KIAA1671: variants seen among roughly 807,000 people sequenced by gnomAD.
KIAA1671 encodes uncharacterized protein KIAA1671.
In KIAA1671, 52 loss-of-function variants were observed where a neutral mutation model predicts 131.2. The ratio of observed to expected loss-of-function variants is 0.40; its 90% CI spans 0.32 to 0.50. The LOEUF (loss-of-function observed/expected upper bound fraction) is 0.50. Among genes scored for constraint, KIAA1671 ranks in the 20% least tolerant of loss-of-function variants. The pLI is 0.73. For missense variants in KIAA1671, 2,360 were observed against 2,364.2 expected, an observed-to-expected ratio of 1.00 and a Z score of 0.04; for synonymous variants, 1,003 against 961.6, an observed-to-expected ratio of 1.04 and a Z score of -0.80.
chr22:24,997,831 T>G (rs768408957), intron 1 of KIAA1671, among the ~76,000 whole-genome samples: 3 of 152,146 alleles, frequency 2.0e-5, no homozygotes, highest in Admixed American at 2.0e-4. Context: ...TAGAACATTC[T>G]CAGGTCCCAG....
intron 1 of KIAA1671, among the ~76,000 whole-genome samples, chr22:24,956,300 G>A (rs1382928820): frequency 6.6e-6 from 1 of 152,200 alleles, no homozygotes; most frequent in Non-Finnish European, 1.5e-5. Context: ...GCCTGTTCAG[G>A]GGTAGGTATA....
chr22:25,013,084 G>A (rs770948114), intron 1 of KIAA1671: 3 of 152,212 alleles, frequency 2.0e-5, no homozygotes, highest in Non-Finnish European at 4.4e-5. Context: ...AATTGTGTTA[G>A]GGGGAGAGTC....
chr22:24,961,274 T>C (rs944981224), intron 1 of KIAA1671, among the ~76,000 whole-genome samples: 2 of 152,190 alleles, frequency 1.3e-5, no homozygotes, highest in African/African-American at 2.4e-5. Context: ...GGATTGCAGA[T>C]GTGAGCCACC....
In KIAA1671 at chr22:24,968,383, C is replaced by T. The variant is rs190701531; in HGVS notation, c.-208+15611C>T. ...TTCTTGTCCCTGAGGCCTGAGTCAC[C>T]CCGGGAAGGTGGCTGTGCTGTGAAT... On this transcript the variant is annotated intron_variant, in intron 1 of 12. Coordinates refer to ENST00000358431, the MANE Select transcript of KIAA1671 (RefSeq NM_001145206.2). Among the ~76,000 whole-genome samples the T allele has an allele frequency of 1.6e-4, 24 of 152,168 alleles. No individual in the cohort carries two copies. In the East Asian group the frequency reaches 4.1e-3, roughly 26 times the overall value.
chr22:25,140,600 TCA>T (rs1363646436), intron 6 of KIAA1671, among the ~76,000 whole-genome samples: 2 of 152,068 alleles, frequency 1.3e-5, no homozygotes, highest in Non-Finnish European at 2.9e-5. Flanking sequence ...GGGGAGGGGC[TCA>T]CACAGGGCGT....
chr22:25,128,859 C>A (rs1256906884), intron 6 of KIAA1671, among the ~76,000 whole-genome samples: 2 of 152,250 alleles, frequency 1.3e-5, no homozygotes, highest in Non-Finnish European at 2.9e-5. Flanking sequence ...TTCTGATTAG[C>A]TGGTTTGGAT....
chr22:25,120,805 T>C (rs1212620422), intron 6 of KIAA1671, among the ~76,000 whole-genome samples: 2 of 152,248 alleles, frequency 1.3e-5, no homozygotes, highest in South Asian at 2.1e-4. Context: ...TATGACACTT[T>C]TAATGCCCTT....
chr22:25,046,402 T>TTCCTCTCTCCATCACTTCCTCTCTCCATC (rs1569215600), intron 5 of KIAA1671, among the ~76,000 whole-genome samples: 1 of 146,732 alleles, frequency 6.8e-6, no homozygotes, highest in African/African-American at 2.5e-5. Flanking sequence ...TTAAAGTGAT[T>TTCCTCTCTCCATCACTTCCTCTCTCCATC]CCTTCCTCTC....
chr22:25,113,549 T>C (rs1049816353), intron 6 of KIAA1671, among the ~76,000 whole-genome samples: 2 of 152,114 alleles, frequency 1.3e-5, no homozygotes, highest in South Asian at 4.1e-4. Flanking sequence ...ACACTCGAGG[T>C]GGCAGGGCTC....
intron 12 of KIAA1671, among the ~76,000 whole-genome samples, chr22:25,192,003 ATGTG>A (rs1934685604): frequency 6.6e-6 from 1 of 152,158 alleles, no homozygotes; most frequent in Non-Finnish European, 1.5e-5. Flanking sequence ...TGTATGATGC[ATGTG>A]TGTATGTATA....
At chr22:25,152,370 G>A (rs1301368610) in intron 6 of KIAA1671, among the ~76,000 whole-genome samples, 1 of 152,120 alleles carries the variant, frequency 6.6e-6, no homozygotes, top group Non-Finnish European at 1.5e-5. Flanking sequence ...ATTTACATGT[G>A]TGTGTGAGGT....
chr22:25,144,195 G>C lies in KIAA1671; in HGVS notation c.4531-26625G>C, dbSNP rs890755101. 3.9e-5 allele frequency among the ~76,000 whole-genome samples: 6 copies of C among 152,194 alleles called. No individual in the cohort carries two copies. In the East Asian group the frequency reaches 7.7e-4, roughly 20 times the overall value. The stretch of plus-strand genomic sequence containing the variant: ...ACTGGTATTTTCTAGTTTTTAAAAT[G>C]CTTCAAGTTTTTCTACCTTTACCAT... On this transcript the variant is annotated intron_variant, in intron 6 of 12. Transcript: ENST00000358431.
At position 25,039,326 on chromosome 22, in the gene KIAA1671, AT is replaced by A; in HGVS notation, c.2197del (p.Tyr733MetfsTer36). 6.4e-7 allele frequency: 1 copy of A among 1,552,060 alleles called. No individual in the cohort carries two copies. The highest frequency in any genetic ancestry group is 8.7e-7 in the Non-Finnish European group (1 of 1,147,088). ...CCACATCGCAGAGAATTGAGCCCAG[AT>A]ATGACATTGTGCATGCAGTGGGAGA... is the stretch of plus-strand genomic sequence containing the variant. ...PPTSQRIEPR[Y>X]DIVHAVGERV... On this transcript the variant is annotated frameshift_variant, in exon 5 of 13. Transcript: ENST00000358431. LOFTEE classifies it high-confidence loss of function.
intron 1 of KIAA1671, among the ~76,000 whole-genome samples, chr22:24,960,402 C>G (rs1921951612): frequency 6.6e-6 from 1 of 151,250 alleles, no homozygotes; most frequent in African/African-American, 2.4e-5. Flanking sequence ...AAAAATTAGC[C>G]AGGCATGGTG....
In KIAA1671 at chr22:25,077,526, A is replaced by G. The variant is rs1422127806; in HGVS notation, c.4530+28162A>G. Among the ~76,000 whole-genome samples the G allele has an allele frequency of 2.0e-5, 3 of 152,092 alleles. No homozygotes were observed. The East Asian group carries it at 5.8e-4, about 29-fold the overall frequency. ...AGGCTGACTCTCGCAGGCTTCCTCTACTCCAGCCTCCCATGGCAGAGGTGG... is the reference window on the plus strand; with the variant it reads ...AGGCTGACTCTCGCAGGCTTCCTCTGCTCCAGCCTCCCATGGCAGAGGTGG... On this transcript the variant is annotated intron_variant, in intron 6 of 12. Coordinates refer to ENST00000358431, the MANE Select transcript of KIAA1671 (RefSeq NM_001145206.2).
At chr22:25,181,490 C>T (rs1022951805) in intron 9 of KIAA1671, among the ~76,000 whole-genome samples, 7 of 152,202 alleles carry the variant, frequency 4.6e-5, no homozygotes, top group Non-Finnish European at 8.8e-5. Context: ...TGCCTGTTGT[C>T]AGTATCTTCT....
chr22:25,007,829 G>A (rs1481773689), intron 1 of KIAA1671, among the ~76,000 whole-genome samples: 1 of 152,120 alleles, frequency 6.6e-6, no homozygotes, highest in East Asian at 1.9e-4. Flanking sequence ...TACTCTGGGT[G>A]CCCTGCCTAT....
intron 1 of KIAA1671, among the ~76,000 whole-genome samples, chr22:24,953,404 G>A (rs1224157789): frequency 2.0e-4 from 31 of 152,236 alleles, no homozygotes; most frequent in Non-Finnish European, 1.5e-5. Context: ...CCGGAGGACA[G>A]CGCGGTGGTT....
At chr22:25,096,178 G>A (rs1568952897) in intron 6 of KIAA1671, among the ~76,000 whole-genome samples, 1 of 152,180 alleles carries the variant, frequency 6.6e-6, no homozygotes, top group Non-Finnish European at 1.5e-5. Flanking sequence ...CAGGGTACAC[G>A]GCGAACCTGA....
Sources: allele counts gnomAD v4.1 joint callset (sites outside exome capture counted in the v4.1 genomes callset), GRCh38; gene constraint gnomAD v4.1.1; transcripts MANE v1.5; gene names NCBI Gene and HGNC (gene_info 2026-07-23, HGNC 2026-07-21).